PAPPA2: variants seen among roughly 807,000 people sequenced by gnomAD.
PAPPA2 encodes pappalysin 2.
A neutral mutation model predicts 176.4 loss-of-function variants in PAPPA2; 86 were observed. The ratio of observed to expected loss-of-function variants is 0.49; its 90% CI spans 0.41 to 0.58. PAPPA2 has a LOEUF of 0.58. PAPPA2 is among the 20% of genes least tolerant of loss of function. The pLI is 0.00. For missense variants in PAPPA2, 2,073 were observed against 2,256.9 expected, an observed-to-expected ratio of 0.92 and a Z score of 1.65; for synonymous variants, 809 against 852.2, an observed-to-expected ratio of 0.95 and a Z score of 0.88.
chr1:176,477,767 A>G (rs1029908619), intron 1 of PAPPA2, among the ~76,000 whole-genome samples: 7 of 110,890 alleles, frequency 6.3e-5, no homozygotes, highest in African/African-American at 1.0e-4. Flanking sequence ...AATAAAAAAC[A>G]TTAAAAAATA....
At position 176,842,610 on chromosome 1, in the gene PAPPA2, A is replaced by G; in HGVS notation, c.*156A>G. 5.6e-6 allele frequency: 4 copies of G among 719,978 alleles called. No homozygotes were observed. The highest frequency in any genetic ancestry group is 9.2e-6 in the Non-Finnish European group (4 of 435,438). 44.6% of individuals were successfully genotyped at this position (719,978 alleles called of 1,614,324 possible). A position where few individuals can be genotyped will look rare whatever the true frequency, so the allele number is the denominator to read the frequency against. On this transcript the variant is annotated 3_prime_UTR_variant, in exon 23 of 23. Transcript: ENST00000367662. ...TTATAAGAAATGCAAGAGGATATTG[A>G]TAGGTGTGAACTAGTTCATCAAGTA...
chr1:176,504,524 T>C lies in PAPPA2; in HGVS notation c.-917+41106T>C, dbSNP rs556155230. On this transcript the variant is annotated intron_variant, in intron 1 of 22. Coordinates refer to ENST00000367662, the MANE Select transcript of PAPPA2 (RefSeq NM_020318.3). ...CACTTTTTCGTCTTGCTAATGGCTG[T>C]GGTAGTCATTTAAGCACAGACTGTG... Among the ~76,000 whole-genome samples, 6 of 152,268 alleles carry C rather than the reference T, an allele frequency of 3.9e-5. No individual in the cohort carries two copies. In the East Asian group the frequency reaches 5.8e-4, roughly 15 times the overall value.
chr1:176,608,833 G>A (rs1476202780), intron 3 of PAPPA2, among the ~76,000 whole-genome samples: 3 of 152,120 alleles, frequency 2.0e-5, no homozygotes, highest in African/African-American at 4.8e-5. Flanking sequence ...GGAGTCTGAA[G>A]ATATCCTTTA....
chr1:176,626,889 CTTT>C (rs547179481), intron 3 of PAPPA2, among the ~76,000 whole-genome samples: 6 of 127,754 alleles, frequency 4.7e-5, no homozygotes, highest in South Asian at 2.6e-4. Context: ...CCTGTTTTTC[CTTT>C]TTTTTTTTTT....
chr1:176,739,597 G>T, intron 12 of PAPPA2, 29 bp from the exon 13 acceptor site: 1 of 1,598,328 alleles, frequency 6.3e-7, no homozygotes, highest in South Asian at 1.1e-5. Flanking sequence ...TGGAAATAAT[G>T]ACTTATACAT....
intron 14 of PAPPA2, among the ~76,000 whole-genome samples, chr1:176,742,136 T>C (rs1386127737): frequency 6.6e-6 from 1 of 152,248 alleles, no homozygotes; most frequent in Non-Finnish European, 1.5e-5. Flanking sequence ...TAACTATTTA[T>C]TTACTTGTTG....
At chr1:176,635,149 G>C (rs535473964) in intron 3 of PAPPA2, among the ~76,000 whole-genome samples, 4 of 152,180 alleles carry the variant, frequency 2.6e-5, no homozygotes, top group Non-Finnish European at 2.9e-5. Flanking sequence ...GCTATAGGCA[G>C]AAGTTTTCAG....
At chr1:176,793,739 T>G in intron 20 of PAPPA2, 70 bp downstream of exon 20, 1 of 1,243,812 alleles carries the variant, frequency 8.0e-7, no homozygotes, top group East Asian at 2.5e-5. Flanking sequence ...CATTATTTTT[T>G]GGAGTAATTT....
intron 1 of PAPPA2, among the ~76,000 whole-genome samples, chr1:176,519,273 G>C (rs1467420179): frequency 6.6e-6 from 1 of 152,152 alleles, no homozygotes; most frequent in Non-Finnish European, 1.5e-5. Flanking sequence ...AGTAGTAGTA[G>C]TGTGCACAGG....
At chr1:176,545,696 T>C (rs1650599816) in intron 1 of PAPPA2, among the ~76,000 whole-genome samples, 1 of 152,186 alleles carries the variant, frequency 6.6e-6, no homozygotes, top group Admixed American at 6.6e-5. Context: ...CTGGAACCCA[T>C]TCCTTATGGA....
chr1:176,666,403 A>G (rs1317551822), intron 3 of PAPPA2, among the ~76,000 whole-genome samples: 1 of 152,094 alleles, frequency 6.6e-6, no homozygotes, highest in Non-Finnish European at 1.5e-5. Flanking sequence ...AGGTACATGG[A>G]AAAAAAGTGA....
At chr1:176,466,526 G>T (rs987510364) in intron 1 of PAPPA2, among the ~76,000 whole-genome samples, 5 of 152,148 alleles carry the variant, frequency 3.3e-5, no homozygotes, top group Middle Eastern at 3.4e-3. Flanking sequence ...AGTTTCAAAT[G>T]GTATGATAAA....
At chr1:176,581,080 A>C (rs917634866) in intron 2 of PAPPA2, among the ~76,000 whole-genome samples, 1 of 152,146 alleles carries the variant, frequency 6.6e-6, no homozygotes, top group Non-Finnish European at 1.5e-5. Context: ...TTCTTCTAGC[A>C]GCTTTGTCGT....
chr1:176,520,119 G>A (rs1254249345), intron 1 of PAPPA2, among the ~76,000 whole-genome samples: 1 of 152,102 alleles, frequency 6.6e-6, no homozygotes, highest in Non-Finnish European at 1.5e-5. Flanking sequence ...TACCAGTTTT[G>A]TCTTACTCTA....
chr1:176,491,493 G>T (rs1647291794), intron 1 of PAPPA2, among the ~76,000 whole-genome samples: 1 of 152,126 alleles, frequency 6.6e-6, no homozygotes, highest in Non-Finnish European at 1.5e-5. Flanking sequence ...AAAATGTAGA[G>T]GCTGAGTGTG....
intron 3 of PAPPA2, among the ~76,000 whole-genome samples, chr1:176,601,383 A>G (rs1248122540): frequency 2.0e-5 from 3 of 152,194 alleles, no homozygotes; most frequent in Admixed American, 2.0e-4. Context: ...CACCCCCAGC[A>G]AGAAACCAGA....
chr1:176,585,040 A>T (rs1479597131), intron 2 of PAPPA2, among the ~76,000 whole-genome samples: 6 of 152,042 alleles, frequency 3.9e-5, no homozygotes, highest in Non-Finnish European at 7.4e-5. Flanking sequence ...ACCTGGCCTG[A>T]TTTGTTTCTT....
chr1:176,726,793 A>G (rs1456676347), intron 12 of PAPPA2, among the ~76,000 whole-genome samples: 1 of 152,196 alleles, frequency 6.6e-6, no homozygotes, highest in Non-Finnish European at 1.5e-5. Context: ...TATACAGGCC[A>G]TTTACTAAGG....
chr1:176,551,893 A>C (rs922812042), intron 1 of PAPPA2, among the ~76,000 whole-genome samples: 1 of 152,186 alleles, frequency 6.6e-6, no homozygotes, highest in Non-Finnish European at 1.5e-5. Flanking sequence ...AGGTGAAAGA[A>C]AGAAGGTGGA....
Sources: gnomAD v4.1 joint callset for allele counts (sites outside exome capture counted in the v4.1 genomes callset) on GRCh38, gnomAD v4.1.1 for gene constraint, MANE v1.5 for transcripts, NCBI Gene and HGNC (gene_info 2026-07-23, HGNC 2026-07-21) for gene names.